Variants in JMJD1C observed in about 807,000 individuals in gnomAD.
JMJD1C encodes jumonji domain containing 1C.
A neutral mutation model predicts 245.3 loss-of-function variants in JMJD1C; 31 were observed. The observed-to-expected ratio is 0.13, with a 90% CI of 0.09 to 0.17. The LOEUF is 0.17. Among genes scored for constraint, JMJD1C ranks in the 10% least tolerant of loss-of-function variants. The probability of loss-of-function intolerance (pLI) is 1.00; values close to 1 mark genes in which losing one functional copy is unlikely to be tolerated. For missense variants in JMJD1C, 2,691 were observed against 3,000.2 expected, an observed-to-expected ratio of 0.90 and a Z score of 2.41; for synonymous variants, 1,057 against 1,017.4, an observed-to-expected ratio of 1.04 and a Z score of -0.74.
chr10:63,199,189 T>A (rs1845760381), intron 11 of JMJD1C, among the ~76,000 whole-genome samples: 3 of 152,172 alleles, frequency 2.0e-5, no homozygotes, highest in Admixed American at 2.0e-4. Flanking sequence ...ATTGCTGAAG[T>A]GATTTAAGAG....
At chr10:63,232,185 T>A (rs548781661) in intron 3 of JMJD1C, among the ~76,000 whole-genome samples, 6 of 152,282 alleles carry the variant, frequency 3.9e-5, no homozygotes, top group African/African-American at 1.4e-4. Context: ...TCTAAAGTTT[T>A]TTTTTTGTCA....
At chr10:63,263,453 C>T (rs1855050517) in intron 3 of JMJD1C, among the ~76,000 whole-genome samples, 1 of 152,126 alleles carries the variant, frequency 6.6e-6, no homozygotes, top group Admixed American at 6.6e-5. Flanking sequence ...AATAATAGCT[C>T]TACATTTTAT....
intron 1 of JMJD1C, among the ~76,000 whole-genome samples, chr10:63,415,699 T>C (rs757625296): frequency 2.6e-5 from 4 of 152,146 alleles, no homozygotes; most frequent in African/African-American, 7.2e-5. Context: ...AACTGTAAAA[T>C]GAAACTATGT....
At chr10:63,169,561 T>C (rs1283915735) in intron 24 of JMJD1C, among the ~76,000 whole-genome samples, 1 of 152,116 alleles carries the variant, frequency 6.6e-6, no homozygotes, top group Non-Finnish European at 1.5e-5. Flanking sequence ...TAATTGATGA[T>C]AGGGTGATGG....
At chr10:63,291,632 G>A (rs927740400) in intron 2 of JMJD1C, among the ~76,000 whole-genome samples, 7 of 136,172 alleles carry the variant, frequency 5.1e-5, no homozygotes, top group East Asian at 2.2e-4. Context: ...AAAAAAAACC[G>A]GAAAGAAACG....
rs71025135 is a variant in JMJD1C, at chr10:63,247,719, C to CAAAA, written c.447+16928_447+16931dup. 2.9e-3 allele frequency among the ~76,000 whole-genome samples: 304 copies of CAAAA among 105,332 alleles called. 3 individuals carry two copies. The highest frequency in any genetic ancestry group is 4.6e-3 in the South Asian group (14 of 3,020). The allele number at this position is 105,332 out of a possible 152,430, so 69.1% of individuals were successfully genotyped here. ...CGCACACCAGCCTGGGTGACAGAGC[C>CAAAA]AAAAAAAAAAAAAAAAAAAGAAACA... On this transcript the variant is annotated intron_variant, in intron 3 of 25. Transcript: ENST00000399262.
intron 12 of JMJD1C, 39 bp downstream of exon 12, chr10:63,198,474 T>C (rs1845687881): frequency 8.1e-7 from 1 of 1,231,452 alleles, no homozygotes; most frequent in Non-Finnish European, 1.1e-6. Context: ...ATTCTTAAAA[T>C]GAAATTTGTG....
intron 1 of JMJD1C, among the ~76,000 whole-genome samples, chr10:63,421,152 T>C (rs960225434): frequency 6.6e-6 from 1 of 152,024 alleles, no homozygotes; most frequent in Non-Finnish European, 1.5e-5. Flanking sequence ...CTGACTAACA[T>C]GGTGAAACCC....
At chr10:63,349,701 G>GAAA (rs1242649192) in intron 2 of JMJD1C, among the ~76,000 whole-genome samples, 1 of 152,186 alleles carries the variant, frequency 6.6e-6, no homozygotes, top group Admixed American at 6.6e-5. Flanking sequence ...AGAAATAGGT[G>GAAA]AAAAGGCTTC....
At chr10:63,432,921 G>A (rs569115585) in intron 1 of JMJD1C, among the ~76,000 whole-genome samples, 1 of 152,230 alleles carries the variant, frequency 6.6e-6, no homozygotes, top group South Asian at 2.1e-4. Flanking sequence ...AAGACTAACT[G>A]AATGATTTCC....
chr10:63,418,642 G>A (rs915471012), intron 1 of JMJD1C, among the ~76,000 whole-genome samples: 10 of 152,124 alleles, frequency 6.6e-5, no homozygotes, highest in Non-Finnish European at 1.3e-4. Context: ...AAGGCTTACA[G>A]CAGAGAAATA....
intron 2 of JMJD1C, among the ~76,000 whole-genome samples, chr10:63,334,400 G>A (rs530208816): frequency 2.6e-5 from 4 of 152,044 alleles, no homozygotes; most frequent in Non-Finnish European, 5.9e-5. Context: ...ACTTCTATAT[G>A]TCAGGAATAC....
rs375621398 is a variant in JMJD1C, at chr10:63,194,422, A to G, written c.5645-47T>C. On this transcript the variant is annotated intron_variant, in intron 13 of 25. Coordinates refer to ENST00000399262, the MANE Select transcript of JMJD1C (RefSeq NM_032776.3). The stretch of plus-strand genomic sequence containing the variant: ...ATATCACACTCATGGTTTCATAATT[A>G]TAAATTGATAGTGTAAAGAACTTAA... 4.1e-6 allele frequency: 5 copies of G among 1,225,602 alleles called. 1 individual carries two copies. Among genetic ancestry groups the G allele is most frequent in the Non-Finnish European group, 4.8e-6 (4 of 827,518 alleles). 75.9% of individuals were successfully genotyped at this position (1,225,602 alleles called of 1,614,324 possible).
chr10:63,211,391 G>A (rs560465669), intron 8 of JMJD1C, among the ~76,000 whole-genome samples: 55 of 151,568 alleles, frequency 3.6e-4, no homozygotes, highest in Non-Finnish European at 6.2e-4. Context: ...ACTTGAACCC[G>A]GGAGGCAGAG....
At position 63,251,735 on chromosome 10, in the gene JMJD1C, C is replaced by T. The variant is rs969774185; in HGVS notation, c.447+12916G>A. Among the ~76,000 whole-genome samples, 9 of 152,292 alleles carry T rather than the reference C, an allele frequency of 5.9e-5. No homozygotes were observed. In the South Asian group the frequency reaches 1.7e-3, roughly 28 times the overall value. ...CTTTGCTGTCTGTTGCCCACTTCTTCGTCAACTTGGCAAGATTATTTTAAA... is the reference window on the plus strand; with the variant it reads ...CTTTGCTGTCTGTTGCCCACTTCTTTGTCAACTTGGCAAGATTATTTTAAA... On this transcript the variant is annotated intron_variant, in intron 3 of 25. Transcript: ENST00000399262.
At chr10:63,386,693 C>G (rs999014482) in intron 1 of JMJD1C, among the ~76,000 whole-genome samples, 2 of 152,218 alleles carry the variant, frequency 1.3e-5, no homozygotes, top group African/African-American at 4.8e-5. Flanking sequence ...CAGCCTGTCA[C>G]AACCTCTGCC....
At chr10:63,391,238 T>C (rs1948027971) in intron 1 of JMJD1C, among the ~76,000 whole-genome samples, 1 of 152,106 alleles carries the variant, frequency 6.6e-6, no homozygotes, top group Non-Finnish European at 1.5e-5. Flanking sequence ...TGGCCAGGCG[T>C]GGTGGCTGAT....
chr10:63,216,416 A>G (rs993300685), intron 5 of JMJD1C, among the ~76,000 whole-genome samples: 7 of 152,172 alleles, frequency 4.6e-5, no homozygotes, highest in African/African-American at 1.7e-4. Context: ...ACTGGTACTT[A>G]AAACTCCATA....
At chr10:63,294,378 G>C (rs1022288839) in intron 2 of JMJD1C, among the ~76,000 whole-genome samples, 1 of 151,772 alleles carries the variant, frequency 6.6e-6, no homozygotes, top group African/African-American at 2.4e-5. Flanking sequence ...TCCGCCTCCA[G>C]GGTTCAAGCA....
Sources: gnomAD v4.1 joint callset for allele counts (sites outside exome capture counted in the v4.1 genomes callset) on GRCh38, gnomAD v4.1.1 for gene constraint, MANE v1.5 for transcripts, NCBI Gene and HGNC (gene_info 2026-07-23, HGNC 2026-07-21) for gene names.